NCK2: variants seen among roughly 807,000 people sequenced by gnomAD.
NCK2 encodes the protein NCK adaptor protein 2.
NCK2 carries 16 observed loss-of-function variants against 33.9 expected under a neutral mutation model. The ratio of observed to expected loss-of-function variants is 0.47; its 90% confidence interval spans 0.32 to 0.72. NCK2 has a LOEUF of 0.72. Ranked by LOEUF, NCK2 falls within the 30% of genes least tolerant of loss-of-function variation. NCK2 has a pLI of 0.03. For synonymous variants in NCK2, 273 were observed against 239.9 expected, an observed-to-expected ratio of 1.14 and a Z score of -1.27; for missense variants, 418 against 537.3, an observed-to-expected ratio of 0.78 and a Z score of 2.19.
intron 1 of NCK2, among the ~76,000 whole-genome samples, chr2:105,782,607 A>G (rs1219340531): frequency 6.6e-6 from 1 of 152,200 alleles, no homozygotes; most frequent in Non-Finnish European, 1.5e-5. Flanking sequence ...TTATTTTGTT[A>G]GAGCAGTTTT....
chr2:105,828,702 G>A (rs1676050541), intron 2 of NCK2, among the ~76,000 whole-genome samples: 1 of 152,304 alleles, frequency 6.6e-6, no homozygotes, highest in Middle Eastern at 3.4e-3. Context: ...ATGACATCTT[G>A]AGCAGGTCAC....
intron 1 of NCK2, among the ~76,000 whole-genome samples, chr2:105,806,745 A>G (rs1447384444): frequency 6.6e-6 from 1 of 152,180 alleles, no homozygotes; most frequent in Non-Finnish European, 1.5e-5. Flanking sequence ...TTATCAGAGG[A>G]AGAGGATAAC....
At position 105,893,141 on chromosome 2, in the gene NCK2, G is replaced by A. The variant is rs768598254; in HGVS notation, c.1108G>A (p.Gly370Arg). 3 of 1,610,472 alleles carry A rather than the reference G, an allele frequency of 1.9e-6. No individual in the cohort carries two copies. The highest frequency in any genetic ancestry group is 2.5e-6 in the Non-Finnish European group (3 of 1,178,268). ...KKAPIFTSEH[G>R]EKLYLVRALQ The stretch of plus-strand genomic sequence containing the variant: ...GGCGCCCATCTTCACCAGCGAGCAC[G>A]GGGAGAAGCTCTACCTCGTCAGGGC... Residue 370 changes from glycine (G) to arginine (R), a missense_variant, in exon 5 of 5, where the codon GGG becomes AGG. Transcript: ENST00000233154.
Position 105,784,879 on chromosome 2 carries a change from C to T in NCK2, c.-200-31551C>T, listed in dbSNP as rs148188915. Among the ~76,000 whole-genome samples the T allele has an allele frequency of 4.4e-4, 67 of 152,338 alleles. 1 individual carries two copies. The East Asian group carries it at 0.011, about 26-fold the overall frequency. On this transcript the variant is annotated intron_variant, in intron 1 of 4. Transcript: ENST00000233154. ...GGATACACGAGTAAAGTTAGGAACA[C>T]GTGCATGCACTTAGGCAGCCTCCCA...
chr2:105,839,169 A>G (rs964402736), intron 2 of NCK2, among the ~76,000 whole-genome samples: 2 of 152,236 alleles, frequency 1.3e-5, no homozygotes, highest in African/African-American at 4.8e-5. Flanking sequence ...GAAGACCCCA[A>G]GGTGAGAATC....
intron 3 of NCK2, among the ~76,000 whole-genome samples, chr2:105,861,344 G>A (rs748503933): frequency 3.6e-4 from 55 of 152,240 alleles, no homozygotes; most frequent in South Asian, 2.7e-3. Context: ...GACGTCACAT[G>A]TCTTGTGAAA....
At chr2:105,786,933 A>G (rs1306681560) in intron 1 of NCK2, among the ~76,000 whole-genome samples, 1 of 152,128 alleles carries the variant, frequency 6.6e-6, no homozygotes, top group East Asian at 1.9e-4. Context: ...CACCGTCCAG[A>G]CTCGAAGCAG....
intron 1 of NCK2, among the ~76,000 whole-genome samples, chr2:105,781,985 G>C (rs951013086): frequency 3.9e-5 from 6 of 152,182 alleles, no homozygotes; most frequent in Non-Finnish European, 7.3e-5. Flanking sequence ...GAATGTCCAA[G>C]TGAGTCCAAA....
intron 2 of NCK2, among the ~76,000 whole-genome samples, chr2:105,833,309 C>T: frequency 6.6e-6 from 1 of 152,090 alleles, no homozygotes; most frequent in South Asian, 2.1e-4. Context: ...GTTGGCCAGG[C>T]TGATCTCGAA....
chr2:105,823,906 G>A (rs889182069), intron 2 of NCK2, among the ~76,000 whole-genome samples: 2 of 151,954 alleles, frequency 1.3e-5, no homozygotes, highest in African/African-American at 4.8e-5. Context: ...CTTGTTCCGT[G>A]ACCTTCCCGT....
intron 1 of NCK2, among the ~76,000 whole-genome samples, chr2:105,803,044 CTTG>C (rs1185308394): frequency 6.6e-6 from 1 of 151,914 alleles, no homozygotes; most frequent in East Asian, 1.9e-4. Context: ...TTTAGCAAAC[CTTG>C]TTGTCATTTT....
intron 4 of NCK2, among the ~76,000 whole-genome samples, chr2:105,883,703 T>A (rs1678601928): frequency 6.6e-6 from 1 of 152,106 alleles, no homozygotes; most frequent in Admixed American, 6.5e-5. Context: ...ATTGTCTGGG[T>A]TTCATCTCAG....
chr2:105,795,116 A>G (rs1691031211), intron 1 of NCK2, among the ~76,000 whole-genome samples: 1 of 152,216 alleles, frequency 6.6e-6, no homozygotes. Flanking sequence ...AACATCCCCG[A>G]CAGGGTGCTG....
chr2:105,880,746 C>T (rs142163574), intron 3 of NCK2, among the ~76,000 whole-genome samples: 1 of 152,116 alleles, frequency 6.6e-6, no homozygotes, highest in Non-Finnish European at 1.5e-5. Context: ...AAACCACCTA[C>T]TCTTGTTATC....
intron 2 of NCK2, among the ~76,000 whole-genome samples, chr2:105,825,791 G>A (rs778840688): frequency 6.6e-6 from 1 of 152,192 alleles, no homozygotes; most frequent in East Asian, 1.9e-4. Flanking sequence ...ACTCTGCTCT[G>A]TCAGTTACAG....
At chr2:105,794,160 T>G (rs1405931348) in intron 1 of NCK2, among the ~76,000 whole-genome samples, 1 of 151,538 alleles carries the variant, frequency 6.6e-6, no homozygotes, top group African/African-American at 2.4e-5. Context: ...GTGATTCTCC[T>G]GCTTCAGCCT....
At chr2:105,777,515 T>A (rs1433679141) in intron 1 of NCK2, among the ~76,000 whole-genome samples, 1 of 152,028 alleles carries the variant, frequency 6.6e-6, no homozygotes, top group African/African-American at 2.4e-5. Context: ...TCAATGGAAA[T>A]GGGATATTGA....
intron 1 of NCK2, among the ~76,000 whole-genome samples, chr2:105,753,877 T>C (rs1255294068): frequency 6.6e-5 from 10 of 152,180 alleles, no homozygotes. Flanking sequence ...CTTCTGAGGT[T>C]GTGAGAGAGG....
At chr2:105,818,432 A>G (rs1032149326) in intron 2 of NCK2, among the ~76,000 whole-genome samples, 3 of 151,550 alleles carry the variant, frequency 2.0e-5, no homozygotes, top group Admixed American at 1.3e-4. Context: ...GTGTAATAAA[A>G]ATATATATAT....
Sources: gnomAD v4.1 joint callset for allele counts (sites outside exome capture counted in the v4.1 genomes callset) on GRCh38, gnomAD v4.1.1 for gene constraint, MANE v1.5 for transcripts, NCBI Gene and HGNC (gene_info 2026-07-23, HGNC 2026-07-21) for gene names.